AIRE: variants seen among roughly 807,000 people sequenced by gnomAD.
AIRE encodes the protein autoimmune regulator.
A neutral mutation model predicts 62.1 loss-of-function variants in AIRE; 52 were observed. That is an observed-to-expected ratio of 0.84 (90% confidence interval 0.67 to 1.06). The LOEUF (loss-of-function observed/expected upper bound fraction) is 1.06. AIRE is among the 50% of genes least tolerant of loss of function. The probability of loss-of-function intolerance (pLI) is 0.00; values close to 1 mark genes in which losing one functional copy is unlikely to be tolerated. For missense variants in AIRE, 774 were observed against 755.8 expected (o/e 1.02, Z -0.28); for synonymous variants, 342 against 321.6 (o/e 1.06, Z -0.68).
intron 8 of AIRE, among the ~76,000 whole-genome samples, chr21:44,291,659 C>T (rs540052162): frequency 5.1e-4 from 78 of 152,184 alleles, no homozygotes; most frequent in Non-Finnish European, 5.0e-4. Flanking sequence ...TTAGTGGGGG[C>T]GGGAGGCCTC....
rs1296791316 is a variant in AIRE at position 44,286,189 on chromosome 21, T to A, written c.132+51T>A. 7 of 1,450,846 alleles carry A rather than the reference T, an allele frequency of 4.8e-6. No individual in the cohort carries two copies. The South Asian group carries it at 8.6e-5, about 18-fold the overall frequency. 89.9% of individuals were successfully genotyped at this position (1,450,846 alleles called of 1,614,324 possible). ...GCCCCCAGGCCCTGTGAGCCAGGGA[T>A]AGTCCCCGGGGAAGTTCCAGGAGGA... On this transcript the variant is annotated intron_variant, in intron 1 of 13. Coordinates refer to ENST00000291582, the MANE Select transcript of AIRE (RefSeq NM_000383.4). This position sits in a 1 kb window ranked among gnomAD's most constrained non-coding sequence, Gnocchi z 6.0.
intron 5 of AIRE, 92 bp from the exon 6 acceptor site, chr21:44,289,565 G>C (rs1001307492): frequency 5.1e-6 from 8 of 1,556,072 alleles, no homozygotes; most frequent in Non-Finnish European, 5.3e-6. Context: ...AACTCCACCT[G>C]TCTCTGCTAG....
rs1427144374 is a variant in AIRE at position 44,293,874 on chromosome 21, G to A, written c.1364G>A (p.Trp455Ter). 1.3e-6 allele frequency: 2 copies of A among 1,596,404 alleles called. No individual in the cohort carries two copies. Among genetic ancestry groups the A allele is most frequent in the African/African-American group, 2.7e-5 (2 of 74,774 alleles). The stretch of plus-strand genomic sequence containing the variant: ...ACTCACTGCGCCGCTGCCTTCCACT[G>A]GCGCTGCCACTTCCCAGCCGGCACC... ...RCTHCAAAFH[W>*]RCHFPAGTSR... Residue 455 changes from tryptophan to a stop codon, truncating the protein, a stop_gained, in exon 11 of 14, where the codon TGG (tryptophan) becomes TAG (stop). Coordinates refer to ENST00000291582, the MANE Select transcript of AIRE (RefSeq NM_000383.4). LOFTEE classifies it high-confidence loss of function.
intron 10 of AIRE, among the ~76,000 whole-genome samples, chr21:44,293,534 C>T (rs996579066): frequency 8.5e-5 from 13 of 152,230 alleles, no homozygotes; most frequent in Admixed American, 4.6e-4. Flanking sequence ...AGGCCAGGCC[C>T]GCCAAGCAGG....
chr21:44,297,195 G>A lies in AIRE; in HGVS notation c.1567-461G>A, dbSNP rs537560119. On this transcript the variant is annotated intron_variant, in intron 13 of 13. Coordinates refer to ENST00000291582, the MANE Select transcript of AIRE (RefSeq NM_000383.4). This position sits in a 1 kb window ranked among gnomAD's most constrained non-coding sequence, Gnocchi z 4.8. ...CCCGGGTATAGCTGGAGAAATGAGC[G>A]ACGGGCTCACAGCCTCTCCCGGGTG... 7.1e-4 allele frequency among the ~76,000 whole-genome samples: 108 copies of A among 152,328 alleles called. No individual in the cohort carries two copies. Among genetic ancestry groups the A allele is most frequent in the African/African-American group, 2.2e-3 (90 of 41,586 alleles).
chr21:44,287,378 G>A lies in AIRE; in HGVS notation c.464-139G>A. On this transcript the variant is annotated intron_variant, in intron 3 of 13. Coordinates refer to ENST00000291582, the MANE Select transcript of AIRE (RefSeq NM_000383.4). This position sits in a 1 kb window ranked among gnomAD's most constrained non-coding sequence, Gnocchi z 4.3. ...GGGCGGGTCTCATTTCCCTTTTACT[G>A]ATGAGAAACCAGAGCCCGGCAAAGG... The A allele has an allele frequency of 1.4e-6, 1 of 726,832 alleles. No homozygotes were observed. Among genetic ancestry groups the A allele is most frequent in the South Asian group, 1.8e-5 (1 of 57,000 alleles). The allele number at this position is 726,832 out of a possible 1,614,324, so 45.0% of individuals were successfully genotyped here. A position where few individuals can be genotyped will look rare whatever the true frequency, so the allele number is the denominator to read the frequency against.
chr21:44,288,301 C>A (rs1335155107), intron 4 of AIRE, 44 bp from the exon 5 acceptor site: 3 of 1,418,664 alleles, frequency 2.1e-6, no homozygotes, highest in Non-Finnish European at 3.0e-6. Flanking sequence ...TGCTTGGGAA[C>A]AGTCTTCCCC....
rs565087801 is a variant in AIRE, at chr21:44,294,519, G to A, written c.1503+16G>A. 1.2e-4 allele frequency: 167 copies of A among 1,375,584 alleles called. No individual in the cohort carries two copies. In the African/African-American group the frequency reaches 1.9e-3, roughly 16 times the overall value. 85.2% of individuals were successfully genotyped at this position (1,375,584 alleles called of 1,614,324 possible). On this transcript the variant is annotated intron_variant, in intron 12 of 13. Coordinates refer to ENST00000291582, the MANE Select transcript of AIRE (RefSeq NM_000383.4). ...GCCTGCCAAGGTCAGTGCCGCAGGG[G>A]CCCTCCATGCATGCCGGTGCTGGGG...
intron 7 of AIRE, chr21:44,290,551 T>C (rs2040525963): frequency 1.3e-6 from 1 of 772,970 alleles, no homozygotes; most frequent in South Asian, 5.9e-5. Context: ...AGTCCTGCCC[T>C]GCAGGAGCAC....
At position 44,293,096 on chromosome 21, in the gene AIRE, C is replaced by T. The variant is rs142366324; in HGVS notation, c.1199C>T (p.Pro400Leu). The T allele has an allele frequency of 4.4e-4, 712 of 1,609,840 alleles. 3 individuals carry two copies. The African/African-American group carries it at 4.7e-3, about 11-fold the overall frequency. Residue 400 changes from proline to leucine, a missense_variant, in exon 10 of 14, where the codon CCG (proline) becomes CTG (leucine). Physicochemically the swap from Pro to Leu is moderately conservative, Grantham distance 98 (BLOSUM62 -3). Transcript: ENST00000291582. ...TTLVYKHLPA[P>L]PSAAPLPGLD... is the part of the protein sequence containing the mutation. Reference sequence around the variant, plus strand: ...CTTGTCTACAAGCACCTGCCGGCTCCGCCTTCTGCAGCCCCGCTGCCAGGG... The same window carrying T: ...CTTGTCTACAAGCACCTGCCGGCTCTGCCTTCTGCAGCCCCGCTGCCAGGG...
chr21:44,293,761 C>G, intron 10 of AIRE, 28 bp from the exon 11 acceptor site: 5 of 1,595,488 alleles, frequency 3.1e-6, no homozygotes, highest in South Asian at 1.1e-5. Flanking sequence ...CGGCCCCCCG[C>G]GTCACCCCGC....
At position 44,289,685 on chromosome 21, in the gene AIRE, C is replaced by T. The variant is rs1055311; in HGVS notation, c.681C>T (p.Gly227=). The T allele has an allele frequency of 0.26, 415,010 of 1,612,616 alleles. 57,971 individuals are homozygous for T. The highest frequency in any genetic ancestry group is 0.29 in the Non-Finnish European group (340,650 of 1,179,872). The change falls in exon 6 of 14, where the codon GGC becomes GGT. Residue 227 remains glycine, a synonymous_variant. Coordinates refer to ENST00000291582, the MANE Select transcript of AIRE (RefSeq NM_000383.4). Reference sequence around the variant, plus strand: ...GCTCCAAGAAGTGCATCCAGGTTGGCGGGGAGTTCTACACTCCCAGCAAGT... The same window carrying T: ...GCTCCAAGAAGTGCATCCAGGTTGGTGGGGAGTTCTACACTCCCAGCAAGT... ...SGGSKKCIQV[G]GEFYTPSKFE...
At chr21:44,289,843 C>A (rs757121893) in intron 6 of AIRE, 41 bp downstream of exon 6, 1 of 1,611,324 alleles carries the variant, frequency 6.2e-7, no homozygotes. Flanking sequence ...GCTCTTGATG[C>A]CCCCCGCCCC....
At chr21:44,289,529 C>A in intron 5 of AIRE, 128 bp from the exon 6 acceptor site, 1 of 1,332,984 alleles carries the variant, frequency 7.5e-7, no homozygotes, top group African/African-American at 1.4e-5. Context: ...GGGGTGGGGG[C>A]GGGCTGGAGG....
rs900802810 is a variant in AIRE at position 44,287,823 on chromosome 21, C to A, written c.538+232C>A. Among the ~76,000 whole-genome samples, 1 of 152,096 alleles carries A rather than the reference C, an allele frequency of 6.6e-6. No homozygotes were observed. The highest frequency in any genetic ancestry group is 1.5e-5 in the Non-Finnish European group (1 of 68,000). ...CCCCACTGCACCCTGGTTCTGGGAC[C>A]CCCTTCTCAGGCACCTTCTCTGCCC... is the stretch of plus-strand genomic sequence containing the variant. On this transcript the variant is annotated intron_variant, in intron 4 of 13. Transcript: ENST00000291582. The surrounding 1 kb of genome is among the most constrained non-coding windows in gnomAD (Gnocchi z 4.3).
At chr21:44,295,445 C>T (rs1462465438) in intron 12 of AIRE, among the ~76,000 whole-genome samples, 1 of 152,202 alleles carries the variant, frequency 6.6e-6, no homozygotes, top group Non-Finnish European at 1.5e-5. Context: ...TGTCACTGTC[C>T]CCTTCCTTCT....
Position 44,287,604 on chromosome 21 carries a change from C to T in AIRE, c.538+13C>T. On this transcript the variant is annotated intron_variant, in intron 4 of 13. Coordinates refer to ENST00000291582, the MANE Select transcript of AIRE (RefSeq NM_000383.4). This position sits in a 1 kb window ranked among gnomAD's most constrained non-coding sequence, Gnocchi z 4.3. ...CCACTCGGGAACGGTGAGCGGGGCC[C>T]AGTGGGAGCGCCTCCCTTCTCCCTG... 6.4e-7 allele frequency: 1 copy of T among 1,550,970 alleles called. No individual in the cohort carries two copies. The highest frequency in any genetic ancestry group is 8.7e-7 in the Non-Finnish European group (1 of 1,147,172).
Position 44,298,093 on chromosome 21 carries a change from C to G in AIRE, c.*366C>G, listed in dbSNP as rs528593935. ...GTTGCAGTGAGCTGAGATTGCGCCA[C>G]TGCACTCCAGTCTGGTCGGCAAGAG... On this transcript the variant is annotated 3_prime_UTR_variant, in exon 14 of 14. Transcript: ENST00000291582. 1 of 323,728 alleles carries G rather than the reference C, an allele frequency of 3.1e-6. No homozygotes were observed. The highest frequency in any genetic ancestry group is 7.6e-5 in the East Asian group (1 of 13,242). 20.1% of individuals were successfully genotyped at this position (323,728 alleles called of 1,614,324 possible).
At position 44,289,671 on chromosome 21, in the gene AIRE, T is replaced by G. The variant is rs767059333; in HGVS notation, c.667T>G (p.Cys223Gly). The part of the protein sequence containing the change: ...QVFESGGSKK[C>G]IQVGGEFYTP... The stretch of plus-strand genomic sequence containing the variant: ...TCTCCTCCCAGGCGGCTCCAAGAAG[T>G]GCATCCAGGTTGGCGGGGAGTTCTA... Residue 223 changes from cysteine to glycine, a missense_variant, in exon 6 of 14, where the codon TGC (cysteine) becomes GGC (glycine). Around this residue, in one of 3 missense-constraint regions of AIRE, gnomAD observed 385 missense variants for 396.0 expected, o/e 0.97. Transcript: ENST00000291582. 1 of 1,612,318 alleles carries G rather than the reference T, an allele frequency of 6.2e-7. No individual in the cohort carries two copies.
Sources: allele counts gnomAD v4.1 joint callset (sites outside exome capture counted in the v4.1 genomes callset), GRCh38; gene constraint gnomAD v4.1.1; regional missense constraint gnomAD v4.1.1; non-coding constraint Gnocchi (gnomAD v3.1); transcripts MANE v1.5; gene names NCBI Gene and HGNC (gene_info 2026-07-23, HGNC 2026-07-21).